The following CDH13 variants were observed in gnomAD, a reference collection of about 807,000 sequenced individuals.
The protein encoded by CDH13 is cadherin-13.
Under a neutral mutation model 63.8 loss-of-function variants are expected in CDH13, and 24 were observed. That is an observed-to-expected ratio of 0.38 (90% CI 0.27 to 0.53). The LOEUF (loss-of-function observed/expected upper bound fraction) is 0.53. Ranked by LOEUF, CDH13 falls within the 20% of genes least tolerant of loss-of-function variation. CDH13 has a pLI of 0.85. For synonymous variants in CDH13, 503 were observed against 355.3 expected (o/e 1.42, Z -4.67); for missense variants, 1,049 against 903.1 (o/e 1.16, Z -2.07).
intron 5 of CDH13, among the ~76,000 whole-genome samples, chr16:83,264,479 TTG>T (rs1166287281): frequency 4.6e-5 from 7 of 152,010 alleles, no homozygotes; most frequent in Non-Finnish European, 8.8e-5. Flanking sequence ...TATATAGTAT[TTG>T]TGTGTGTACA....
chr16:83,644,150 G>C (rs1911572655), intron 8 of CDH13, among the ~76,000 whole-genome samples: 1 of 152,172 alleles, frequency 6.6e-6, no homozygotes, highest in Non-Finnish European at 1.5e-5. Context: ...TCTCAGCTCT[G>C]CCTTCAGATG....
In CDH13 at chr16:82,864,788, C is replaced by T. The variant is rs950835399; in HGVS notation, c.157+6315C>T. Among the ~76,000 whole-genome samples the T allele has an allele frequency of 5.9e-5, 9 of 152,114 alleles. No homozygotes were observed. In the South Asian group the frequency reaches 6.2e-4, roughly 11 times the overall value. On this transcript the variant is annotated intron_variant, in intron 2 of 13. Transcript: ENST00000567109. ...CTAATCACACATTCTCAACAGTTCC[C>T]GAAAGTCTTAATTCATTCTGGCATT...
chr16:83,311,327 TAAAAA>T (rs66626032), intron 5 of CDH13, among the ~76,000 whole-genome samples: 1 of 149,942 alleles, frequency 6.7e-6, no homozygotes, highest in African/African-American at 2.4e-5. Context: ...AGGAGATTGT[TAAAAA>T]AAAAAAATTA....
chr16:83,125,663 C>T (rs546582727), intron 4 of CDH13, among the ~76,000 whole-genome samples, 162 bp downstream of exon 4: 2 of 152,260 alleles, frequency 1.3e-5, no homozygotes, highest in East Asian at 3.9e-4. Context: ...GAAGATCATT[C>T]ATATGCAAAA....
rs576502774 is a variant in CDH13, at chr16:83,542,739, C to T, written c.960+56084C>T. 1.8e-4 allele frequency among the ~76,000 whole-genome samples: 27 copies of T among 152,318 alleles called. 1 individual carries two copies. Among genetic ancestry groups the T allele is most frequent in the African/African-American group, 5.3e-4 (22 of 41,582 alleles). On this transcript the variant is annotated intron_variant, in intron 7 of 13. Coordinates refer to ENST00000567109, the MANE Select transcript of CDH13 (RefSeq NM_001257.5). ...ACCACTCCAGTCCTCTGTCTTTACA[C>T]GGCTGTCTCCGTGTGTGTCTTCACA...
chr16:83,476,832 A>G (rs2073618964), intron 6 of CDH13, among the ~76,000 whole-genome samples: 2 of 152,230 alleles, frequency 1.3e-5, no homozygotes, highest in South Asian at 4.1e-4. Flanking sequence ...GGAATATTAA[A>G]GTTTCCACTT....
intron 8 of CDH13, among the ~76,000 whole-genome samples, chr16:83,662,993 A>G (rs921366421): frequency 1.3e-5 from 2 of 152,166 alleles, no homozygotes; most frequent in Non-Finnish European, 2.9e-5. Flanking sequence ...TTTTCTCTCA[A>G]TTTCTCCATT....
At chr16:83,200,409 C>T (rs2151765025) in intron 4 of CDH13, among the ~76,000 whole-genome samples, 1 of 152,272 alleles carries the variant, frequency 6.6e-6, no homozygotes, top group East Asian at 1.9e-4. Flanking sequence ...CCTCGTGTTC[C>T]ATGTCTCTAA....
At chr16:83,569,029 C>T (rs371208612) in intron 7 of CDH13, among the ~76,000 whole-genome samples, 1 of 152,082 alleles carries the variant, frequency 6.6e-6, no homozygotes, top group African/African-American at 2.4e-5. Context: ...ATTCCACATT[C>T]CTTATAATCT....
chr16:82,734,555 C>G (rs1194382272), intron 1 of CDH13, among the ~76,000 whole-genome samples: 1 of 152,138 alleles, frequency 6.6e-6, no homozygotes, highest in African/African-American at 2.4e-5. Context: ...GACTCTCGCT[C>G]TTTGTGATAC....
chr16:83,726,204 G>T lies in CDH13; in HGVS notation c.1539-21904G>T, dbSNP rs535888472. On this transcript the variant is annotated intron_variant, in intron 10 of 13. Coordinates refer to ENST00000567109, the MANE Select transcript of CDH13 (RefSeq NM_001257.5). ...TTGGAAAGATTGTCATAATGTATCA[G>T]TTAGAAGGCACCTTAGAGACCATCA... 5.9e-5 allele frequency: 9 copies of T among 152,302 alleles called. No homozygotes were observed. In the South Asian group the frequency reaches 1.9e-3, roughly 32 times the overall value. 9.4% of individuals were successfully genotyped at this position (152,302 alleles called of 1,614,324 possible).
rs529382986 is a variant in CDH13, at chr16:83,497,000, G to A, written c.960+10345G>A. Among the ~76,000 whole-genome samples, 36 of 152,344 alleles carry A rather than the reference G, an allele frequency of 2.4e-4. No individual in the cohort carries two copies. In the South Asian group the frequency reaches 6.2e-3, roughly 26 times the overall value. On this transcript the variant is annotated intron_variant, in intron 7 of 13. Transcript: ENST00000567109. The stretch of plus-strand genomic sequence containing the variant: ...CAGTTAGAATGGCGATCATTCAAAT[G>A]TCAGGAAACAACAGGTGCTGGAGAG...
At chr16:82,787,051 G>T (rs536274838) in intron 1 of CDH13, among the ~76,000 whole-genome samples, 1 of 152,204 alleles carries the variant, frequency 6.6e-6, no homozygotes, top group African/African-American at 2.4e-5. Flanking sequence ...GAAATGGATA[G>T]CTTCCTAAAG....
chr16:83,125,240 G>A (rs2035759009), intron 3 of CDH13, 145 bp from the exon 4 acceptor site: 1 of 591,208 alleles, frequency 1.7e-6, no homozygotes, highest in Non-Finnish European at 3.0e-6. Context: ...TAATGTACTT[G>A]GTAATGCTAA....
chr16:83,176,451 A>T (rs1306083042), intron 4 of CDH13, among the ~76,000 whole-genome samples: 1 of 149,062 alleles, frequency 6.7e-6, no homozygotes, highest in Non-Finnish European at 1.5e-5. Context: ...CGGGGGTTGC[A>T]ATGAGCCCAG....
intron 2 of CDH13, among the ~76,000 whole-genome samples, chr16:82,983,979 T>G (rs974703210): frequency 1.3e-5 from 2 of 152,200 alleles, no homozygotes; most frequent in Non-Finnish European, 2.9e-5. Context: ...CTGCCATAGA[T>G]ACAAGGACTT....
intron 2 of CDH13, among the ~76,000 whole-genome samples, chr16:83,028,204 G>C (rs1347004399): frequency 1.3e-5 from 2 of 152,176 alleles, no homozygotes; most frequent in Non-Finnish European, 2.9e-5. Context: ...GCCTCCAGTG[G>C]ATGAATACTA....
intron 3 of CDH13, among the ~76,000 whole-genome samples, chr16:83,070,250 A>G (rs917466534): frequency 4.6e-5 from 7 of 152,196 alleles, no homozygotes; most frequent in Admixed American, 6.5e-5. Context: ...CTCTTTCCCT[A>G]TAACTAAATA....
intron 7 of CDH13, among the ~76,000 whole-genome samples, chr16:83,549,891 G>C (rs1170165542): frequency 6.6e-6 from 1 of 152,208 alleles, no homozygotes; most frequent in Non-Finnish European, 1.5e-5. Context: ...GAGAGACAGA[G>C]AGGGGAAGAC....
Sources: allele counts gnomAD v4.1 joint callset (sites outside exome capture counted in the v4.1 genomes callset), GRCh38; gene constraint gnomAD v4.1.1; transcripts MANE v1.5; gene names NCBI Gene and HGNC (gene_info 2026-07-23, HGNC 2026-07-21).